The following ZNF75D variants were observed in gnomAD, a reference collection of about 807,000 sequenced individuals.
ZNF75D encodes zinc finger protein 75D, also known as zinc finger protein 75.
ZNF75D carries 33 observed loss-of-function variants against 33.3 expected under a neutral mutation model. The ratio of observed to expected loss-of-function variants is 0.99; its 90% CI spans 0.75 to 1.32. The LOEUF (loss-of-function observed/expected upper bound fraction) is 1.32, where lower values mean the gene tolerates loss of function less well. Among genes scored for constraint, ZNF75D ranks in the 40% most tolerant of loss-of-function variants. The pLI is 0.00. For missense variants in ZNF75D, 338 were observed against 367.5 expected (o/e 0.92, Z 0.66); for synonymous variants, 113 against 130.6 (o/e 0.87, Z 0.92).
chrX:135,319,576 T>C (rs2084471576), intron 1 of ZNF75D, among the ~76,000 whole-genome samples: 1 of 112,032 alleles, frequency 8.9e-6, no homozygotes, highest in South Asian at 3.7e-4. Flanking sequence ...AGGAGTGGTC[T>C]TTTTTGGCCA....
intron 1 of ZNF75D, among the ~76,000 whole-genome samples, chrX:135,275,653 T>C: frequency 9.1e-6 from 1 of 110,323 alleles, no homozygotes; most frequent in Non-Finnish European, 1.9e-5. Flanking sequence ...ATATATATTT[T>C]ACATATGTAT....
At chrX:135,259,753 A>C (rs2083830145) in intron 1 of ZNF75D, among the ~76,000 whole-genome samples, 1 of 111,808 alleles carries the variant, frequency 8.9e-6, no homozygotes, top group Admixed American at 9.5e-5. Flanking sequence ...GGACAATTTG[A>C]CTTCCTCATT....
chrX:135,267,386 A>C (rs782570899), intron 1 of ZNF75D, among the ~76,000 whole-genome samples: 78 of 111,720 alleles, frequency 7.0e-4, no homozygotes, highest in African/African-American at 2.5e-3. Context: ...GCTAAGAAAA[A>C]AATGGAGAAG....
chrX:135,303,149 G>A (rs11797049), intron 1 of ZNF75D, among the ~76,000 whole-genome samples: 28,163 of 109,690 alleles, frequency 0.26, 2,975 homozygotes, highest in South Asian at 0.44. Flanking sequence ...ATCTCAGTAG[G>A]TGGAATATAC....
At chrX:135,287,930 G>A in intron 6 of ZNF75D, 84 bp from the exon 7 acceptor site, 1 of 760,051 alleles carries the variant, frequency 1.3e-6, no homozygotes, top group Non-Finnish European at 1.9e-6. Context: ...AATGATGATT[G>A]CTTTAAAAGA....
At chrX:135,318,577 G>T (rs1602642391) in intron 1 of ZNF75D, among the ~76,000 whole-genome samples, 1 of 111,544 alleles carries the variant, frequency 9.0e-6, no homozygotes, top group Non-Finnish European at 1.9e-5. Flanking sequence ...CTTTGTGACT[G>T]TTTATTAATT....
intron 1 of ZNF75D, among the ~76,000 whole-genome samples, chrX:135,266,020 C>T (rs1556416285): frequency 8.9e-6 from 1 of 111,800 alleles, no homozygotes; most frequent in African/African-American, 3.2e-5. Context: ...TGCATGCTTG[C>T]TTGTTTATGC....
intron 1 of ZNF75D, among the ~76,000 whole-genome samples, chrX:135,317,560 G>A (rs2084436094): frequency 9.0e-6 from 1 of 111,274 alleles, no homozygotes; most frequent in South Asian, 3.8e-4. Context: ...TGGTGGTGGT[G>A]GGATGATGCT....
chrX:135,269,573 A>AT (rs2083874706), intron 1 of ZNF75D, among the ~76,000 whole-genome samples: 1 of 112,056 alleles, frequency 8.9e-6, no homozygotes, highest in Non-Finnish European at 1.9e-5. Context: ...CTAACGTGTT[A>AT]TTTTTCCAGA....
At chrX:135,322,603 G>A (rs1247806756) in intron 1 of ZNF75D, among the ~76,000 whole-genome samples, 1 of 112,042 alleles carries the variant, frequency 8.9e-6, no homozygotes, top group Non-Finnish European at 1.9e-5. Context: ...ACAGATAATG[G>A]GTTTCAATAC....
chrX:135,261,893 G>A (rs991268458), intron 1 of ZNF75D, among the ~76,000 whole-genome samples: 2 of 111,862 alleles, frequency 1.8e-5, no homozygotes, highest in East Asian at 2.8e-4. Context: ...TCATAGCATC[G>A]ATGGTCTTTA....
intron 1 of ZNF75D, among the ~76,000 whole-genome samples, chrX:135,269,399 C>G (rs1225568237): frequency 8.9e-6 from 1 of 112,058 alleles, no homozygotes; most frequent in African/African-American, 3.2e-5. Context: ...ACAAAAATCT[C>G]TACAGGAAAA....
chrX:135,262,416 A>T (rs1405045837), intron 1 of ZNF75D, among the ~76,000 whole-genome samples: 1 of 111,717 alleles, frequency 9.0e-6, no homozygotes, highest in East Asian at 2.8e-4. Flanking sequence ...TCTCCCCATC[A>T]CTTTCAGGTA....
At chrX:135,297,035 T>C (rs1556423170) in intron 1 of ZNF75D, 1 of 112,339 alleles carries the variant, frequency 8.9e-6, no homozygotes, top group East Asian at 2.8e-4. Context: ...GTTGTCAGTA[T>C]TCTCCAAGTT....
downstream of ZNF75D, chrX:135,285,723 C>T (rs1009392584): frequency 1.8e-5 from 2 of 111,476 alleles, no homozygotes; most frequent in Admixed American, 9.5e-5. Flanking sequence ...AGGCTTAGAA[C>T]GGTCTCTTGG....
At chrX:135,339,869 G>A (rs1425800742) in intron 1 of ZNF75D, among the ~76,000 whole-genome samples, 2 of 111,731 alleles carry the variant, frequency 1.8e-5, no homozygotes, top group African/African-American at 6.5e-5. Flanking sequence ...TTAAACACAA[G>A]TCTAGCTCTA....
chrX:135,275,985 T>C (rs2083898062), intron 1 of ZNF75D, among the ~76,000 whole-genome samples: 1 of 111,635 alleles, frequency 9.0e-6, no homozygotes, highest in African/African-American at 3.3e-5. Context: ...TGGCAATGGT[T>C]TGCATACAGT....
At chrX:135,260,582 A>G (rs1271412010) in intron 1 of ZNF75D, among the ~76,000 whole-genome samples, 2 of 112,130 alleles carry the variant, frequency 1.8e-5, no homozygotes, top group African/African-American at 3.2e-5. Context: ...TTATTTGCAT[A>G]GAGCTGTTTA....
intron 1 of ZNF75D, among the ~76,000 whole-genome samples, chrX:135,258,908 A>T (rs1305471174): frequency 1.8e-5 from 2 of 112,041 alleles, no homozygotes; most frequent in African/African-American, 6.5e-5. Flanking sequence ...GGTTTCCTTC[A>T]AGGGTTTTTA....
Sources: gnomAD v4.1 joint callset for allele counts (sites outside exome capture counted in the v4.1 genomes callset) on GRCh38, gnomAD v4.1.1 for gene constraint, MANE v1.5 for transcripts, NCBI Gene and HGNC (gene_info 2026-07-23, HGNC 2026-07-21) for gene names.